Variants in RIMS1 observed in about 807,000 individuals in gnomAD.
The protein encoded by RIMS1 is regulating synaptic membrane exocytosis protein 1.
A neutral mutation model predicts 214.1 loss-of-function variants in RIMS1; 83 were observed. That is an observed-to-expected ratio of 0.39 (90% CI 0.32 to 0.47). RIMS1 has a LOEUF of 0.47. RIMS1 is among the 20% of genes least tolerant of loss of function. The pLI, the probability that RIMS1 is intolerant of heterozygous loss-of-function variation, is 0.99. For missense variants in RIMS1, 2,050 were observed against 2,161.8 expected (o/e 0.95, Z 1.03); for synonymous variants, 793 against 786.8 (o/e 1.01, Z -0.13).
intron 2 of RIMS1, among the ~76,000 whole-genome samples, chr6:72,020,733 A>G (rs1399355001): frequency 5.3e-5 from 8 of 152,194 alleles, no homozygotes; most frequent in Admixed American, 5.2e-4. Context: ...CTTTAGTGGG[A>G]TAGTGCTGGG....
intron 29 of RIMS1, among the ~76,000 whole-genome samples, chr6:72,337,563 C>A (rs749303450): frequency 1.1e-4 from 16 of 151,254 alleles, no homozygotes; most frequent in Middle Eastern, 3.4e-3. Context: ...GTTATTATTC[C>A]CATTTTTTTC....
intron 4 of RIMS1, among the ~76,000 whole-genome samples, chr6:72,129,029 T>C (rs1476854522): frequency 6.6e-6 from 1 of 152,224 alleles, no homozygotes; most frequent in East Asian, 1.9e-4. Flanking sequence ...TTACTGCCTT[T>C]AACAAATTTT....
intron 6 of RIMS1, among the ~76,000 whole-genome samples, chr6:72,225,689 C>T (rs917629569): frequency 3.3e-5 from 5 of 152,160 alleles, no homozygotes; most frequent in African/African-American, 9.7e-5. Context: ...ACTTGACAAC[C>T]TGTTCTCCCA....
chr6:71,923,572 C>T (rs78234326), intron 1 of RIMS1, among the ~76,000 whole-genome samples: 15,050 of 146,106 alleles, frequency 0.1, 967 homozygotes, highest in Non-Finnish European at 0.15. Context: ...TGTGACTTTT[C>T]TTTTTTTTTT....
chr6:72,383,625 A>T (rs2098533615), intron 29 of RIMS1, among the ~76,000 whole-genome samples: 1 of 151,008 alleles, frequency 6.6e-6, no homozygotes, highest in African/African-American at 2.4e-5. Flanking sequence ...AAAAAAAAAA[A>T]AAAAAACTAA....
At chr6:71,920,496 C>T (rs1352807465) in intron 1 of RIMS1, among the ~76,000 whole-genome samples, 1 of 151,924 alleles carries the variant, frequency 6.6e-6, no homozygotes, top group Non-Finnish European at 1.5e-5. Flanking sequence ...AAAAAAAATC[C>T]AGTGACAAAT....
intron 29 of RIMS1, among the ~76,000 whole-genome samples, chr6:72,376,163 A>G (rs1235954300): frequency 6.6e-6 from 1 of 152,232 alleles, no homozygotes; most frequent in Non-Finnish European, 1.5e-5. Context: ...AAAAATGTAT[A>G]GAGAAATATT....
intron 2 of RIMS1, among the ~76,000 whole-genome samples, chr6:71,986,998 G>A (rs1264314770): frequency 6.6e-6 from 1 of 152,154 alleles, no homozygotes; most frequent in African/African-American, 2.4e-5. Flanking sequence ...TTGGAGAAGA[G>A]GATAAATGAT....
chr6:71,968,838 G>C (rs1795112050), intron 1 of RIMS1, 145 bp from the exon 2 acceptor site: 1 of 683,830 alleles, frequency 1.5e-6, no homozygotes, highest in African/African-American at 1.8e-5. Context: ...AACTCCAAGG[G>C]CTTTGCTGGG....
chr6:72,271,286 A>AAAAATATATAT (rs1417580438), intron 22 of RIMS1, among the ~76,000 whole-genome samples: 16 of 44,382 alleles, frequency 3.6e-4, no homozygotes, highest in African/African-American at 1.6e-3. Context: ...AAAAAAAAAA[A>AAAAATATATAT]ATATATATAT....
intron 4 of RIMS1, among the ~76,000 whole-genome samples, chr6:72,169,673 G>A (rs2153951790): frequency 6.6e-6 from 1 of 152,180 alleles, no homozygotes; most frequent in East Asian, 1.9e-4. Context: ...GGAGGCTAAG[G>A]CGGGCAGATT....
In RIMS1 at chr6:71,984,008, T is replaced by A. The variant is rs750480609; in HGVS notation, c.245+14945T>A. Reference sequence around the variant, plus strand: ...TATGTGTTTATCATAGGTTTCCACATGCTTTCAGTAACATTCTGTAACTTA... The same window carrying A: ...TATGTGTTTATCATAGGTTTCCACAAGCTTTCAGTAACATTCTGTAACTTA... On this transcript the variant is annotated intron_variant, in intron 2 of 33. Transcript: ENST00000521978. Among the ~76,000 whole-genome samples, 62 of 152,238 alleles carry A rather than the reference T, an allele frequency of 4.1e-4. 1 individual carries two copies. Among genetic ancestry groups the A allele is most frequent in the Non-Finnish European group, 6.6e-4 (45 of 68,038 alleles).
At chr6:72,075,053 GGGAA>G (rs1185093983) in intron 2 of RIMS1, among the ~76,000 whole-genome samples, 1 of 152,002 alleles carries the variant, frequency 6.6e-6, no homozygotes, top group Non-Finnish European at 1.5e-5. Flanking sequence ...TGAAGTAGCT[GGGAA>G]GACAGATAGG....
intron 28 of RIMS1, chr6:72,316,922 G>T: frequency 1.4e-6 from 1 of 727,162 alleles, no homozygotes; most frequent in Non-Finnish European, 2.5e-6. Flanking sequence ...CAAGAACTGA[G>T]GTGTCCTGCA....
At chr6:72,301,847 T>A (rs1403709809) in intron 26 of RIMS1, among the ~76,000 whole-genome samples, 1 of 151,590 alleles carries the variant, frequency 6.6e-6, no homozygotes, top group Non-Finnish European at 1.5e-5. Context: ...AGATGTTTTT[T>A]AAATTGGGAA....
At chr6:71,986,632 A>G (rs1800053352) in intron 2 of RIMS1, among the ~76,000 whole-genome samples, 2 of 152,382 alleles carry the variant, frequency 1.3e-5, no homozygotes, top group South Asian at 4.1e-4. Context: ...TGATGGCACC[A>G]TTAACTGAGA....
intron 29 of RIMS1, among the ~76,000 whole-genome samples, chr6:72,337,940 A>G (rs1564235148): frequency 6.6e-6 from 1 of 151,694 alleles, no homozygotes; most frequent in East Asian, 1.9e-4. Context: ...TTATGGCTGC[A>G]TAGTATTCCA....
At chr6:72,147,789 A>C (rs916043685) in intron 4 of RIMS1, among the ~76,000 whole-genome samples, 8 of 152,162 alleles carry the variant, frequency 5.3e-5, no homozygotes, top group African/African-American at 1.7e-4. Flanking sequence ...TTATTACCTG[A>C]CCTTAGCCAT....
At chr6:71,976,641 G>A (rs1285485431) in intron 2 of RIMS1, among the ~76,000 whole-genome samples, 3 of 151,960 alleles carry the variant, frequency 2.0e-5, no homozygotes, top group African/African-American at 7.2e-5. Flanking sequence ...TGTGGTTTTG[G>A]TCTTGCATCC....
Sources: allele counts gnomAD v4.1 joint callset (sites outside exome capture counted in the v4.1 genomes callset), GRCh38; gene constraint gnomAD v4.1.1; transcripts MANE v1.5; gene names NCBI Gene and HGNC (gene_info 2026-07-23, HGNC 2026-07-21).